The following SPAG16 variants were observed in gnomAD, a reference collection of about 807,000 sequenced individuals.
SPAG16 encodes the protein sperm associated antigen 16.
In SPAG16, 86 loss-of-function variants were observed where a neutral mutation model predicts 80.4. The observed-to-expected ratio is 1.07, with a 90% CI of 0.90 to 1.28. SPAG16 has a LOEUF of 1.28. Among genes scored for constraint, SPAG16 ranks in the 50% most tolerant of loss-of-function variants. SPAG16 has a pLI of 0.00. For missense variants in SPAG16, 870 were observed against 765.3 expected, an observed-to-expected ratio of 1.14 and a Z score of -1.61; for synonymous variants, 294 against 265.9, an observed-to-expected ratio of 1.11 and a Z score of -1.03.
At chr2:214,352,558 C>CTATGTGTGTGTGTGTGTG (rs796885924) in intron 15 of SPAG16, among the ~76,000 whole-genome samples, 1 of 142,468 alleles carries the variant, frequency 7.0e-6, no homozygotes, top group Non-Finnish European at 1.5e-5. Context: ...CTTTTTTTCT[C>CTATGTGTGTGTGTGTGTG]TGTGTGTGTG....
At chr2:213,522,353 A>G (rs1419562651) in intron 10 of SPAG16, among the ~76,000 whole-genome samples, 2 of 152,230 alleles carry the variant, frequency 1.3e-5, no homozygotes, top group Admixed American at 1.3e-4. Context: ...TGTAGACAGG[A>G]ACCTAACAAA....
chr2:214,094,227 C>CA (rs2052428435), intron 13 of SPAG16, among the ~76,000 whole-genome samples: 1 of 151,884 alleles, frequency 6.6e-6, no homozygotes, highest in African/African-American at 2.4e-5. Flanking sequence ...TTTAAGAAAA[C>CA]AAAAAAACCT....
intron 12 of SPAG16, among the ~76,000 whole-genome samples, chr2:214,013,681 T>C (rs528370842): frequency 2.6e-5 from 4 of 152,364 alleles, no homozygotes; most frequent in African/African-American, 9.6e-5. Context: ...TGTCATTTCA[T>C]GGTAAAGTAT....
At chr2:214,363,368 A>T (rs1430476666) in intron 15 of SPAG16, among the ~76,000 whole-genome samples, 6 of 151,948 alleles carry the variant, frequency 3.9e-5, no homozygotes, top group Non-Finnish European at 7.4e-5. Flanking sequence ...ACCGCTCCTT[A>T]TTTCTTTAAG....
intron 10 of SPAG16, among the ~76,000 whole-genome samples, chr2:213,631,121 A>G (rs1171240668): frequency 6.6e-6 from 1 of 152,172 alleles, no homozygotes; most frequent in South Asian, 2.1e-4. Context: ...CAAATTTGGC[A>G]TGACTTGTTT....
chr2:213,709,527 T>A (rs1386579584), intron 10 of SPAG16, among the ~76,000 whole-genome samples: 1 of 152,186 alleles, frequency 6.6e-6, no homozygotes, highest in Non-Finnish European at 1.5e-5. Flanking sequence ...TTTAATTGAT[T>A]AAACAGGGGT....
At chr2:214,221,765 T>A (rs527783401) in intron 15 of SPAG16, among the ~76,000 whole-genome samples, 5 of 152,310 alleles carry the variant, frequency 3.3e-5, no homozygotes, top group African/African-American at 1.2e-4. Context: ...ATATTTCATG[T>A]TATTTTTCGT....
At chr2:214,107,161 T>C (rs1559801249) in intron 13 of SPAG16, among the ~76,000 whole-genome samples, 1 of 152,110 alleles carries the variant, frequency 6.6e-6, no homozygotes, top group Admixed American at 6.6e-5. Flanking sequence ...TAACCCTGCC[T>C]GACAATTTCT....
chr2:213,687,664 T>C (rs1297915882), intron 10 of SPAG16, among the ~76,000 whole-genome samples: 1 of 152,196 alleles, frequency 6.6e-6, no homozygotes, highest in Non-Finnish European at 1.5e-5. Flanking sequence ...ATATGTTTTT[T>C]TGTCTGACCC....
At chr2:213,403,536 A>C (rs2068443957) in intron 9 of SPAG16, among the ~76,000 whole-genome samples, 1 of 152,190 alleles carries the variant, frequency 6.6e-6, no homozygotes, top group African/African-American at 2.4e-5. Context: ...TCAATAAATT[A>C]GGTATTGATG....
chr2:214,399,736 T>C (rs899656500), intron 15 of SPAG16, among the ~76,000 whole-genome samples: 6 of 152,126 alleles, frequency 3.9e-5, no homozygotes, highest in African/African-American at 1.4e-4. Flanking sequence ...AGCCCTTGGT[T>C]CCTTTGCCTA....
chr2:214,346,255 T>G (rs1290772818), intron 15 of SPAG16, among the ~76,000 whole-genome samples: 1 of 151,786 alleles, frequency 6.6e-6, no homozygotes, highest in Non-Finnish European at 1.5e-5. Context: ...AAATGTTCAT[T>G]TGTAAATTCT....
At chr2:213,750,565 C>T (rs548746709) in intron 10 of SPAG16, among the ~76,000 whole-genome samples, 2 of 152,226 alleles carry the variant, frequency 1.3e-5, no homozygotes, top group East Asian at 3.9e-4. Context: ...AAATTCCAAT[C>T]GATTAAAAAT....
At chr2:213,696,313 C>T (rs1167206234) in intron 10 of SPAG16, among the ~76,000 whole-genome samples, 1 of 152,056 alleles carries the variant, frequency 6.6e-6, no homozygotes, top group African/African-American at 2.4e-5. Flanking sequence ...ATTAGGCATG[C>T]AAGTTAAGAT....
chr2:213,917,140 T>A (rs2078008161), intron 11 of SPAG16, among the ~76,000 whole-genome samples: 1 of 152,194 alleles, frequency 6.6e-6, no homozygotes, highest in Non-Finnish European at 1.5e-5. Context: ...GGTCTGTGTG[T>A]CTGTTTTTGC....
chr2:214,324,254 C>A (rs1696315801), intron 15 of SPAG16, among the ~76,000 whole-genome samples: 1 of 152,186 alleles, frequency 6.6e-6, no homozygotes, highest in Non-Finnish European at 1.5e-5. Flanking sequence ...CCCTTCACCT[C>A]CCCTTGATAT....
intron 10 of SPAG16, among the ~76,000 whole-genome samples, chr2:213,808,534 T>G (rs538590425): frequency 6.6e-6 from 1 of 152,210 alleles, no homozygotes; most frequent in Non-Finnish European, 1.5e-5. Flanking sequence ...TGTGACTACT[T>G]TGGCTGTTGT....
chr2:214,364,536 T>G (rs1452955920), intron 15 of SPAG16, among the ~76,000 whole-genome samples: 1 of 152,156 alleles, frequency 6.6e-6, no homozygotes, highest in Non-Finnish European at 1.5e-5. Flanking sequence ...GTGCTATTTA[T>G]TTTTGGTATC....
chr2:214,006,873 T>A (rs1184124456), intron 12 of SPAG16, among the ~76,000 whole-genome samples: 1 of 152,246 alleles, frequency 6.6e-6, no homozygotes, highest in Non-Finnish European at 1.5e-5. Flanking sequence ...TTGAGCTATG[T>A]GAAGACCTAG....
Sources: gnomAD v4.1 joint callset for allele counts (sites outside exome capture counted in the v4.1 genomes callset) on GRCh38, gnomAD v4.1.1 for gene constraint, MANE v1.5 for transcripts, NCBI Gene and HGNC (gene_info 2026-07-23, HGNC 2026-07-21) for gene names.